RYR3: variants seen among roughly 807,000 people sequenced by gnomAD.
RYR3 encodes the protein ryanodine receptor 3.
RYR3 carries 207 observed loss-of-function variants against 584.3 expected under a neutral mutation model. That is an observed-to-expected ratio of 0.35 (90% CI 0.32 to 0.40). RYR3 has a LOEUF of 0.40. RYR3 is among the 10% of genes least tolerant of loss of function. The probability of loss-of-function intolerance (pLI) is 1.00; values close to 1 mark genes in which losing one functional copy is unlikely to be tolerated. For missense variants in RYR3, 5,616 were observed against 6,089.2 expected (o/e 0.92, Z 2.59); for synonymous variants, 2,416 against 2,248.5 (o/e 1.07, Z -2.11).
At chr15:33,415,035 C>A (rs1375680858) in intron 1 of RYR3, among the ~76,000 whole-genome samples, 3 of 152,158 alleles carry the variant, frequency 2.0e-5, no homozygotes, top group Admixed American at 2.0e-4. Context: ...TAGCCACTGG[C>A]CATATGTGGC....
chr15:33,550,481 C>A (rs891460832), intron 10 of RYR3, among the ~76,000 whole-genome samples, 165 bp downstream of exon 10: 1 of 152,172 alleles, frequency 6.6e-6, no homozygotes, highest in African/African-American at 2.4e-5. Context: ...GAATTGAGTT[C>A]ATGGAGGAAT....
intron 86 of RYR3, 47 bp from the exon 87 acceptor site, chr15:33,834,921 G>A (rs759034633): frequency 1.3e-6 from 2 of 1,518,942 alleles, no homozygotes; most frequent in Non-Finnish European, 1.8e-6. Context: ...AGGTTTCAGA[G>A]CAACTTGTGA....
At chr15:33,629,352 T>G (rs1206037560) in intron 21 of RYR3, among the ~76,000 whole-genome samples, 1 of 152,234 alleles carries the variant, frequency 6.6e-6, no homozygotes, top group Non-Finnish European at 1.5e-5. Context: ...TGTAAAATAG[T>G]CACCAGATTT....
At chr15:33,638,094 C>A (rs992181885) in intron 27 of RYR3, among the ~76,000 whole-genome samples, 9 of 152,152 alleles carry the variant, frequency 5.9e-5, no homozygotes, top group Admixed American at 3.3e-4. Flanking sequence ...CCTAAAAAGA[C>A]AAATGACTAA....
At chr15:33,539,007 G>T (rs1191350253) in intron 5 of RYR3, 1 of 167,762 alleles carries the variant, frequency 6.0e-6, no homozygotes, top group African/African-American at 2.4e-5. Context: ...TATTCTTGGT[G>T]GTCTTGATTG....
chr15:33,730,175 T>A (rs1365095956), intron 47 of RYR3, among the ~76,000 whole-genome samples: 1 of 151,734 alleles, frequency 6.6e-6, no homozygotes, highest in Non-Finnish European at 1.5e-5. Flanking sequence ...TTTGAACTTT[T>A]CTATAAATTA....
chr15:33,662,535 A>T lies in RYR3; in HGVS notation c.5005A>T (p.Thr1669Ser). ...TCTCAAGCCCGGGTTCAGGTTCTCC[A>T]CCCCTTGCTTTGTTGTGACTGGTGA... ...TCLKPGFRFSTPCFVVTGEDH... is the reference protein window; with the variant it reads ...TCLKPGFRFSSPCFVVTGEDH... The change falls in exon 35 of 104, where the codon ACC becomes TCC. Residue 1669 changes from threonine (T) to serine (S), a missense_variant. By Grantham distance (58) the Thr-to-Ser change is moderately conservative. Transcript: ENST00000634891. The T allele has an allele frequency of 6.2e-7, 1 of 1,613,858 alleles. No homozygotes were observed. The highest frequency in any genetic ancestry group is 8.5e-7 in the Non-Finnish European group (1 of 1,179,862).
intron 101 of RYR3, among the ~76,000 whole-genome samples, 196 bp from the exon 102 acceptor site, chr15:33,860,882 A>C (rs1011537633): frequency 1.3e-4 from 20 of 151,678 alleles, no homozygotes; most frequent in Admixed American, 1.3e-3. Context: ...ATCCTCAGCT[A>C]ATCAGGAGCT....
At chr15:33,450,490 T>C (rs949313319) in intron 1 of RYR3, among the ~76,000 whole-genome samples, 7 of 152,142 alleles carry the variant, frequency 4.6e-5, no homozygotes, top group Non-Finnish European at 8.8e-5. Context: ...CACAGCAGTT[T>C]ACAGAGCCCG....
intron 55 of RYR3, 24 bp from the exon 56 acceptor site, chr15:33,749,955 T>A (rs1446519761): frequency 6.2e-7 from 1 of 1,605,374 alleles, no homozygotes; most frequent in East Asian, 2.2e-5. Flanking sequence ...TCTTTTTGAC[T>A]TGGCTCTTCT....
chr15:33,629,433 G>T (rs1002778878), intron 21 of RYR3, among the ~76,000 whole-genome samples: 3 of 152,190 alleles, frequency 2.0e-5, no homozygotes, highest in African/African-American at 7.2e-5. Flanking sequence ...TTGTTAAAAT[G>T]ATTATTTTGC....
At chr15:33,337,291 G>A (rs1971237257) in intron 1 of RYR3, among the ~76,000 whole-genome samples, 1 of 151,988 alleles carries the variant, frequency 6.6e-6, no homozygotes, top group Non-Finnish European at 1.5e-5. Flanking sequence ...CAAAGAAGAA[G>A]ACAATTAGAA....
intron 51 of RYR3, 29 bp downstream of exon 51, chr15:33,740,024 G>C (rs61219904): frequency 0.17 from 266,262 of 1,601,036 alleles, 23,781 homozygotes; most frequent in African/African-American, 0.27. Flanking sequence ...CTGAGCTGGT[G>C]CTGTATTTTG....
intron 3 of RYR3, among the ~76,000 whole-genome samples, chr15:33,510,672 C>T (rs1194651166): frequency 1.3e-5 from 2 of 150,874 alleles, no homozygotes; most frequent in African/African-American, 4.9e-5. Context: ...GTATATTTGA[C>T]AGGTTTTCTT....
chr15:33,389,867 C>T (rs150203136), intron 1 of RYR3, among the ~76,000 whole-genome samples: 1 of 152,248 alleles, frequency 6.6e-6, no homozygotes, highest in African/African-American at 2.4e-5. Flanking sequence ...GCTATTTCAC[C>T]TTTCAGTAAT....
At chr15:33,593,358 C>T (rs2059225945) in intron 16 of RYR3, among the ~76,000 whole-genome samples, 1 of 152,062 alleles carries the variant, frequency 6.6e-6, no homozygotes, top group Non-Finnish European at 1.5e-5. Context: ...GGGTTTATTC[C>T]TAGATGGGTA....
intron 19 of RYR3, among the ~76,000 whole-genome samples, chr15:33,613,678 A>G (rs1223354815): frequency 6.6e-6 from 1 of 152,240 alleles, no homozygotes; most frequent in Admixed American, 6.5e-5. Flanking sequence ...CTTCAAAGAC[A>G]ATAGTTATGA....
chr15:33,835,106 T>G (rs775073096), intron 87 of RYR3, 34 bp downstream of exon 87: 8 of 1,494,978 alleles, frequency 5.4e-6, no homozygotes, highest in Non-Finnish European at 7.4e-6. Flanking sequence ...GTGTCATTGT[T>G]GTGAAATGCT....
At chr15:33,372,912 T>C (rs1228940261) in intron 1 of RYR3, among the ~76,000 whole-genome samples, 1 of 152,238 alleles carries the variant, frequency 6.6e-6, no homozygotes, top group African/African-American at 2.4e-5. Flanking sequence ...GTCATAAGAA[T>C]TGTAATATAG....
Sources: allele counts gnomAD v4.1 joint callset (sites outside exome capture counted in the v4.1 genomes callset), GRCh38; gene constraint gnomAD v4.1.1; transcripts MANE v1.5; gene names NCBI Gene and HGNC (gene_info 2026-07-23, HGNC 2026-07-21).